OGA: variants seen among roughly 807,000 people sequenced by gnomAD.
OGA encodes the protein O-GlcNAcase.
OGA carries 21 observed loss-of-function variants against 102.0 expected under a neutral mutation model. The observed-to-expected ratio is 0.21, with a 90% CI of 0.15 to 0.30. OGA has a LOEUF of 0.30. Ranked by LOEUF, OGA falls within the 10% of genes least tolerant of loss-of-function variation. The pLI is 1.00. For missense variants in OGA, 765 were observed against 1,107.8 expected (o/e 0.69, Z 4.39); for synonymous variants, 408 against 378.2 (o/e 1.08, Z -0.91).
At position 101,817,701 on chromosome 10, in the gene OGA, A is replaced by G; in HGVS notation, c.199+123T>C. 2.7e-6 allele frequency: 3 copies of G among 1,097,342 alleles called. No individual in the cohort carries two copies. In the South Asian group the frequency reaches 4.7e-5, roughly 17 times the overall value. 68.0% of individuals were successfully genotyped at this position (1,097,342 alleles called of 1,614,324 possible). On this transcript the variant is annotated intron_variant, in intron 1 of 15. Transcript: ENST00000361464. ...ATCTCGTCTCTCCCCTCGCTTTAGG[A>G]GGGCCACATTTCAGACCCAGAGGCT...
chr10:101,797,880 G>A, intron 10 of OGA, 100 bp downstream of exon 10: 1 of 1,219,764 alleles, frequency 8.2e-7, no homozygotes, highest in Non-Finnish European at 1.2e-6. Context: ...GAAGAGACTT[G>A]GAAATGTGCC....
At chr10:101,806,944 G>A (rs922338162) in intron 5 of OGA, among the ~76,000 whole-genome samples, 14 of 151,950 alleles carry the variant, frequency 9.2e-5, no homozygotes, top group African/African-American at 1.9e-4. Context: ...TTTATAGCCC[G>A]GTCTCTAAAT....
chr10:101,808,750 A>T (rs1019292746), intron 4 of OGA, among the ~76,000 whole-genome samples: 2 of 152,248 alleles, frequency 1.3e-5, no homozygotes, highest in South Asian at 4.1e-4. Context: ...CGGGCAAACC[A>T]TGAGGTTAGG....
chr10:101,800,821 C>CTGGA (rs1482403673), intron 7 of OGA, among the ~76,000 whole-genome samples: 1 of 144,662 alleles, frequency 6.9e-6, no homozygotes, highest in Non-Finnish European at 1.5e-5. Flanking sequence ...ATCACCCAGG[C>CTGGA]TGGAGTGCAG....
At position 101,813,012 on chromosome 10, in the gene OGA, TAAAAAG is replaced by T. The variant is rs1564651095; in HGVS notation, c.349+12_349+17del. Reference sequence around the variant, plus strand: ...TCTTCACAGATTTTGAATTTATGGATAAAAAGAAAAAGATTACCAGCTTCCTCCACT... The same window carrying T: ...TCTTCACAGATTTTGAATTTATGGATAAAAAGATTACCAGCTTCCTCCACT... On this transcript the variant is annotated intron_variant, in intron 3 of 15. Coordinates refer to ENST00000361464, the MANE Select transcript of OGA (RefSeq NM_012215.5). 4 of 1,547,946 alleles carry T rather than the reference TAAAAAG, an allele frequency of 2.6e-6. No individual in the cohort carries two copies. The highest frequency in any genetic ancestry group is 3.5e-5 in the Admixed American group (2 of 57,320).
At position 101,796,418 on chromosome 10, in the gene OGA, C is replaced by T. The variant is rs528510892; in HGVS notation, c.1984+1562G>A. 5.3e-5 allele frequency among the ~76,000 whole-genome samples: 8 copies of T among 152,200 alleles called. No homozygotes were observed. The South Asian group carries it at 6.2e-4, about 12-fold the overall frequency. ...CTGGGACTACAAGCACATGCCACCA[C>T]GCCCAGCTAATTTTTGTATTTTTAG... On this transcript the variant is annotated intron_variant, in intron 10 of 15. Coordinates refer to ENST00000361464, the MANE Select transcript of OGA (RefSeq NM_012215.5).
In OGA at chr10:101,799,455, C is replaced by T. The variant is rs924424846; in HGVS notation, c.1196G>A (p.Ser399Asn). 3 of 1,603,290 alleles carry T rather than the reference C, an allele frequency of 1.9e-6. No individual in the cohort carries two copies. The highest frequency in any genetic ancestry group is 2.6e-6 in the Non-Finnish European group (3 of 1,174,502). ...AGCTCCACTGTGTGCAACTTGCCTACCTACAAAAATAAATAAATGTATAAA... is the reference window on the plus strand; with the variant it reads ...AGCTCCACTGTGTGCAACTTGCCTATCTACAAAAATAAATAAATGTATAAA... Reference protein sequence around the residue: ...QEFGVPHQYSSRQVAHSGAKA... With the variant: ...QEFGVPHQYSNRQVAHSGAKA... Residue 399 changes from serine to asparagine, a missense_variant and splice_region_variant, in exon 9 of 16, where the codon AGT (serine) becomes AAT (asparagine). Coordinates refer to ENST00000361464, the MANE Select transcript of OGA (RefSeq NM_012215.5).
intron 6 of OGA, among the ~76,000 whole-genome samples, chr10:101,805,704 C>T (rs1324110803): frequency 6.6e-6 from 1 of 151,382 alleles, no homozygotes; most frequent in Non-Finnish European, 1.5e-5. Flanking sequence ...GCCTGTAATC[C>T]CAGCACTTTG....
intron 7 of OGA, among the ~76,000 whole-genome samples, chr10:101,800,732 T>C (rs1411541759): frequency 2.0e-5 from 3 of 151,578 alleles, no homozygotes; most frequent in African/African-American, 7.3e-5. Flanking sequence ...GCTTTTCGTA[T>C]GAAGAAAACA....
intron 8 of OGA, 47 bp from the exon 9 acceptor site, chr10:101,799,502 C>G: frequency 1.3e-6 from 2 of 1,538,162 alleles, no homozygotes; most frequent in Non-Finnish European, 1.8e-6. Context: ...CACAGATAAT[C>G]AGAATTAGAG....
chr10:101,816,256 C>G (rs1291413475), intron 1 of OGA, among the ~76,000 whole-genome samples: 1 of 152,172 alleles, frequency 6.6e-6, no homozygotes, highest in Non-Finnish European at 1.5e-5. Flanking sequence ...GAGCGAGACT[C>G]CGTCTCCCAA....
chr10:101,792,129 C>T (rs1209980797), intron 12 of OGA, among the ~76,000 whole-genome samples: 1 of 152,130 alleles, frequency 6.6e-6, no homozygotes, highest in African/African-American at 2.4e-5. Context: ...AGCCATTGTC[C>T]GGCCTCAGCC....
At chr10:101,805,826 G>T (rs2065463902) in intron 6 of OGA, among the ~76,000 whole-genome samples, 1 of 152,000 alleles carries the variant, frequency 6.6e-6, no homozygotes, top group Admixed American at 6.6e-5. Flanking sequence ...GTGGTGGCGG[G>T]TGCCTGTAGT....
At chr10:101,814,448 A>G (rs1461173676) in intron 1 of OGA, among the ~76,000 whole-genome samples, 3 of 152,210 alleles carry the variant, frequency 2.0e-5, no homozygotes, top group Non-Finnish European at 4.4e-5. Flanking sequence ...TTTTTAAAAA[A>G]AGTTCCTGGC....
chr10:101,815,498 C>G (rs2135101258), intron 1 of OGA, among the ~76,000 whole-genome samples: 1 of 152,198 alleles, frequency 6.6e-6, no homozygotes, highest in Non-Finnish European at 1.5e-5. Context: ...GTTGGCCAGG[C>G]TAGTATCGAT....
At position 101,817,805 on chromosome 10, in the gene OGA, AG is replaced by A. The variant is rs776056462; in HGVS notation, c.199+18del. 7.1e-5 allele frequency: 109 copies of A among 1,535,422 alleles called. No individual in the cohort carries two copies. Among genetic ancestry groups the A allele is most frequent in the Admixed American group, 1.8e-4 (9 of 50,870 alleles). On this transcript the variant is annotated intron_variant, in intron 1 of 15. Transcript: ENST00000361464. ...AGAACGTGTTAGTGCCAAAACGGGG[AG>A]GGAAGGAGGGCGCTCACCTTCCACC...
chr10:101,802,185 T>A (rs1243996700), intron 7 of OGA, among the ~76,000 whole-genome samples: 3 of 152,000 alleles, frequency 2.0e-5, no homozygotes, highest in Admixed American at 6.6e-5. Flanking sequence ...GTTTTTAACC[T>A]CCAGCCCACA....
chr10:101,810,073 G>T (rs2065532683), intron 4 of OGA, 111 bp downstream of exon 4: 1 of 1,132,982 alleles, frequency 8.8e-7, no homozygotes, highest in South Asian at 1.7e-5. Flanking sequence ...AACAAAAAAA[G>T]AAAACAAAGA....
At chr10:101,791,328 C>T in intron 13 of OGA, 26 bp downstream of exon 13, 1 of 1,583,834 alleles carries the variant, frequency 6.3e-7, no homozygotes, top group Non-Finnish European at 8.7e-7. Context: ...AAGGTCTACT[C>T]TCAAATCCAA....
Sources: gnomAD v4.1 joint callset for allele counts (sites outside exome capture counted in the v4.1 genomes callset) on GRCh38, gnomAD v4.1.1 for gene constraint, MANE v1.5 for transcripts, NCBI Gene and HGNC (gene_info 2026-07-23, HGNC 2026-07-21) for gene names.